The following ZBTB7C variants were observed in gnomAD, a reference collection of about 807,000 sequenced individuals.
The protein encoded by ZBTB7C is zinc finger and BTB domain containing 7C.
A neutral mutation model predicts 25.7 loss-of-function variants in ZBTB7C; 8 were observed. That is an observed-to-expected ratio of 0.31 (90% CI 0.18 to 0.56). The LOEUF is 0.56. Among genes scored for constraint, ZBTB7C ranks in the 20% least tolerant of loss-of-function variants. The pLI is 0.91. For synonymous variants in ZBTB7C, 394 were observed against 369.0 expected (o/e 1.07, Z -0.78); for missense variants, 824 against 855.2 (o/e 0.96, Z 0.46).
intron 2 of ZBTB7C, among the ~76,000 whole-genome samples, chr18:48,285,636 G>A (rs959060138): frequency 1.2e-4 from 18 of 152,154 alleles, no homozygotes; most frequent in Non-Finnish European, 2.5e-4. Context: ...ACAGGCATGA[G>A]CCATTATGCC....
intron 2 of ZBTB7C, among the ~76,000 whole-genome samples, chr18:48,256,306 G>C (rs2044019261): frequency 6.6e-6 from 1 of 151,936 alleles, no homozygotes. Flanking sequence ...GCAGAAAAAA[G>C]TATAGGGATT....
At chr18:48,195,390 AG>A (rs2042294649) in intron 2 of ZBTB7C, among the ~76,000 whole-genome samples, 1 of 152,178 alleles carries the variant, frequency 6.6e-6, no homozygotes, top group Non-Finnish European at 1.5e-5. Context: ...TTCTCGTGAT[AG>A]TGAATACGTC....
intron 2 of ZBTB7C, among the ~76,000 whole-genome samples, chr18:48,306,179 C>A (rs953181086): frequency 6.6e-6 from 1 of 152,180 alleles, no homozygotes; most frequent in African/African-American, 2.4e-5. Context: ...TATGTAGACA[C>A]CTCCTTTAAT....
At chr18:48,091,238 A>AGTTTTTTTT (rs2038401309) in intron 3 of ZBTB7C, among the ~76,000 whole-genome samples, 1 of 64,674 alleles carries the variant, frequency 1.5e-5, no homozygotes, top group Non-Finnish European at 2.7e-5. Context: ...TGCCCGGATA[A>AGTTTTTTTT]TTTTTTTTTT....
intron 3 of ZBTB7C, among the ~76,000 whole-genome samples, chr18:48,085,618 A>G (rs1395068949): frequency 3.9e-5 from 6 of 152,222 alleles, no homozygotes; most frequent in Non-Finnish European, 7.3e-5. Flanking sequence ...GGATTAAAAG[A>G]GTTAATACTA....
chr18:48,161,686 C>T (rs1037839834), intron 3 of ZBTB7C, among the ~76,000 whole-genome samples: 1 of 151,378 alleles, frequency 6.6e-6, no homozygotes, highest in Non-Finnish European at 1.5e-5. Flanking sequence ...AGCGTTCACT[C>T]GGCTGCCCGG....
intron 3 of ZBTB7C, among the ~76,000 whole-genome samples, chr18:48,091,517 A>G (rs1244626690): frequency 1.3e-5 from 2 of 152,200 alleles, no homozygotes; most frequent in Non-Finnish European, 2.9e-5. Context: ...AGCACTTGAT[A>G]TCTACAGGCA....
intron 3 of ZBTB7C, among the ~76,000 whole-genome samples, chr18:48,115,444 G>T (rs1465877100): frequency 6.6e-5 from 10 of 151,936 alleles, no homozygotes; most frequent in Non-Finnish European, 1.5e-4. Flanking sequence ...TAGAGACGGG[G>T]TTTCACCGTG....
At chr18:48,332,732 A>G (rs2046370383) in intron 2 of ZBTB7C, among the ~76,000 whole-genome samples, 1 of 135,842 alleles carries the variant, frequency 7.4e-6, no homozygotes, top group Admixed American at 8.0e-5. Flanking sequence ...CAGGCAAGCC[A>G]GGGACCTCGT....
chr18:48,264,056 T>G (rs2044244141), intron 2 of ZBTB7C, among the ~76,000 whole-genome samples: 1 of 152,206 alleles, frequency 6.6e-6, no homozygotes, highest in Non-Finnish European at 1.5e-5. Context: ...GTAATCCCAC[T>G]GTTGGGACTT....
intron 2 of ZBTB7C, among the ~76,000 whole-genome samples, chr18:48,329,578 A>G (rs1293926475): frequency 6.6e-6 from 1 of 152,132 alleles, no homozygotes; most frequent in Non-Finnish European, 1.5e-5. Flanking sequence ...AAATGCAAAC[A>G]CATTTTTCCA....
At chr18:48,232,318 CT>C (rs2043277424) in intron 2 of ZBTB7C, among the ~76,000 whole-genome samples, 1 of 152,208 alleles carries the variant, frequency 6.6e-6, no homozygotes, top group African/African-American at 2.4e-5. Context: ...TCCCTATAAC[CT>C]TAAGAGAGAG....
intron 2 of ZBTB7C, among the ~76,000 whole-genome samples, chr18:48,327,271 C>A (rs1026703902): frequency 6.6e-6 from 1 of 152,186 alleles, no homozygotes; most frequent in South Asian, 2.1e-4. Context: ...CCATGACCCA[C>A]CCCCGAATCA....
chr18:48,384,547 C>CA (rs1268983602), intron 1 of ZBTB7C, among the ~76,000 whole-genome samples: 2 of 152,328 alleles, frequency 1.3e-5, no homozygotes, highest in African/African-American at 4.8e-5. Flanking sequence ...CAGGCTTGTC[C>CA]AACCCACAGC....
chr18:48,029,304 C>G lies in ZBTB7C; in HGVS notation c.1816G>C (p.Ala606Pro), dbSNP rs774883073. ...AAGLAGLPGL[A>P]GLNHVASMSE... ...ATGGAGGCCACGTGGTTGAGGCCGG[C>G]GAGCCCAGGGAGGCCGGCCAGGCCG... The change falls in exon 5 of 5, where the codon GCC becomes CCC. Residue 606 changes from alanine to proline, a missense_variant. By Grantham distance (27) the Ala-to-Pro change is conservative. Coordinates refer to ENST00000590800, the MANE Select transcript of ZBTB7C (RefSeq NM_001318841.2). The G allele has an allele frequency of 6.5e-7, 1 of 1,536,824 alleles. No individual in the cohort carries two copies. The highest frequency in any genetic ancestry group is 8.7e-7 in the Non-Finnish European group (1 of 1,147,732).
intron 1 of ZBTB7C, among the ~76,000 whole-genome samples, chr18:48,351,474 C>A (rs1424732888): frequency 6.6e-6 from 1 of 152,176 alleles, no homozygotes; most frequent in African/African-American, 2.4e-5. Context: ...CAACTGGTTT[C>A]CCCAGTGGGG....
At chr18:48,278,378 T>C (rs1425893784) in intron 2 of ZBTB7C, among the ~76,000 whole-genome samples, 4 of 152,044 alleles carry the variant, frequency 2.6e-5, no homozygotes, top group African/African-American at 7.2e-5. Flanking sequence ...CTATCCCCAG[T>C]TGAGTAACCC....
chr18:48,103,070 A>G (rs145389516), intron 3 of ZBTB7C, among the ~76,000 whole-genome samples: 5 of 141,588 alleles, frequency 3.5e-5, no homozygotes, highest in Non-Finnish European at 7.6e-5. Flanking sequence ...GTATATATAT[A>G]TTTTATATTA....
At chr18:48,318,424 T>G (rs2046004581) in intron 2 of ZBTB7C, among the ~76,000 whole-genome samples, 1 of 151,936 alleles carries the variant, frequency 6.6e-6, no homozygotes, top group South Asian at 2.1e-4. Flanking sequence ...CCCTTCTGCC[T>G]TCCCGGCTGG....
Sources: gnomAD v4.1 joint callset for allele counts (sites outside exome capture counted in the v4.1 genomes callset) on GRCh38, gnomAD v4.1.1 for gene constraint, MANE v1.5 for transcripts, NCBI Gene and HGNC (gene_info 2026-07-23, HGNC 2026-07-21) for gene names.